The following AKT3 variants were observed in gnomAD, a reference collection of about 807,000 sequenced individuals.
The protein encoded by AKT3 is RAC-gamma serine/threonine-protein kinase.
AKT3 carries 15 observed loss-of-function variants against 65.3 expected under a neutral mutation model. The ratio of observed to expected loss-of-function variants is 0.23; its 90% confidence interval spans 0.15 to 0.35. The LOEUF is 0.35. AKT3 is among the 10% of genes least tolerant of loss of function. The pLI is 1.00. For missense variants in AKT3, 243 were observed against 576.5 expected (o/e 0.42, Z 5.92); for synonymous variants, 206 against 183.8 (o/e 1.12, Z -0.98).
chr1:243,753,464 A>T (rs1688935294), intron 2 of AKT3, among the ~76,000 whole-genome samples: 1 of 152,302 alleles, frequency 6.6e-6, no homozygotes, highest in African/African-American at 2.4e-5. Flanking sequence ...CTAAAAATTG[A>T]AAGAGAAACA....
intron 3 of AKT3, among the ~76,000 whole-genome samples, chr1:243,677,773 A>G (rs541930123): frequency 6.6e-6 from 1 of 152,222 alleles, no homozygotes; most frequent in Non-Finnish European, 1.5e-5. Flanking sequence ...ATTATAAACA[A>G]ATCAAGTAAT....
intron 5 of AKT3, among the ~76,000 whole-genome samples, chr1:243,640,595 A>T (rs1680303189): frequency 6.6e-6 from 1 of 152,124 alleles, no homozygotes; most frequent in East Asian, 1.9e-4. Flanking sequence ...ATGTGGAGAG[A>T]CCCTGGAAGA....
intron 8 of AKT3, among the ~76,000 whole-genome samples, chr1:243,607,471 T>C (rs1677513361): frequency 6.6e-6 from 1 of 152,218 alleles, no homozygotes; most frequent in Non-Finnish European, 1.5e-5. Context: ...CTACAGCTCC[T>C]TTGTTTTGGC....
At chr1:243,656,790 C>A (rs990553394) in intron 4 of AKT3, among the ~76,000 whole-genome samples, 1 of 152,094 alleles carries the variant, frequency 6.6e-6, no homozygotes, top group Non-Finnish European at 1.5e-5. Flanking sequence ...AGTGTCGTGG[C>A]CATGGTTGTG....
intron 2 of AKT3, among the ~76,000 whole-genome samples, chr1:243,734,562 A>T (rs1173060934): frequency 1.3e-5 from 2 of 152,162 alleles, no homozygotes; most frequent in African/African-American, 4.8e-5. Flanking sequence ...GTAAAAAAAA[A>T]AGTGGCACAC....
chr1:243,821,642 T>C (rs1693860956), intron 2 of AKT3, among the ~76,000 whole-genome samples: 1 of 152,080 alleles, frequency 6.6e-6, no homozygotes. Context: ...TCCTAGTTTC[T>C]GACAAAACAG....
chr1:243,747,934 G>A (rs12074977), intron 2 of AKT3, among the ~76,000 whole-genome samples: 3,955 of 152,240 alleles, frequency 0.026, 164 homozygotes, highest in African/African-American at 0.09. Flanking sequence ...CCTAGGCATA[G>A]CACATGCAAA....
At chr1:243,600,596 T>C (rs1213220836) in intron 8 of AKT3, among the ~76,000 whole-genome samples, 2 of 152,112 alleles carry the variant, frequency 1.3e-5, no homozygotes, top group African/African-American at 2.4e-5. Flanking sequence ...AACAGTTAGA[T>C]ATCACTTTGC....
chr1:243,639,265 A>C (rs1680198902), intron 5 of AKT3, among the ~76,000 whole-genome samples: 1 of 152,234 alleles, frequency 6.6e-6, no homozygotes, highest in African/African-American at 2.4e-5. Context: ...AGAAAACTCC[A>C]GGCCCAGATG....
chr1:243,496,265 G>A (rs1423374272), downstream of AKT3, among the ~76,000 whole-genome samples: 2 of 152,210 alleles, frequency 1.3e-5, no homozygotes, highest in Non-Finnish European at 2.9e-5. Context: ...GTACCCGAGC[G>A]GGTGCGGGCG....
intron 6 of AKT3, among the ~76,000 whole-genome samples, chr1:243,616,334 C>G (rs1034850458): frequency 2.4e-5 from 1 of 41,660 alleles, no homozygotes; most frequent in Non-Finnish European, 6.2e-5. Flanking sequence ...AAAAAAAAAG[C>G]TCACAACCCT....
chr1:243,767,997 G>C (rs1418415693), intron 2 of AKT3, among the ~76,000 whole-genome samples: 1 of 151,248 alleles, frequency 6.6e-6, no homozygotes, highest in African/African-American at 2.4e-5. Context: ...TATATAGAGA[G>C]GGGGAAAAAA....
At chr1:243,496,284 C>T (rs1219480209), downstream of AKT3, among the ~76,000 whole-genome samples, 1 of 152,172 alleles carries the variant, frequency 6.6e-6, no homozygotes, top group East Asian at 1.9e-4. Context: ...CGGAGCCGGG[C>T]CTGGCTGGAA....
At chr1:243,715,693 A>G (rs940573873) in intron 2 of AKT3, among the ~76,000 whole-genome samples, 3 of 152,170 alleles carry the variant, frequency 2.0e-5, no homozygotes, top group Non-Finnish European at 2.9e-5. Flanking sequence ...AGGGAAAGAA[A>G]AAAAGTATTT....
At chr1:243,506,288 C>T (rs367631563) in intron 13 of AKT3, among the ~76,000 whole-genome samples, 1 of 152,254 alleles carries the variant, frequency 6.6e-6, no homozygotes, top group African/African-American at 2.4e-5. Context: ...CTTGTTTAAT[C>T]ATATGCTGTC....
At chr1:243,676,775 A>T (rs1683552371) in intron 3 of AKT3, among the ~76,000 whole-genome samples, 1 of 151,810 alleles carries the variant, frequency 6.6e-6, no homozygotes, top group South Asian at 2.1e-4. Context: ...GTTCGTTATG[A>T]CTCTTGGAAT....
rs78243085 is a variant in AKT3, at chr1:243,837,519, C to T, written c.46+5606G>A. 7.1e-3 allele frequency among the ~76,000 whole-genome samples: 1,084 copies of T among 152,248 alleles called. 19 individuals are homozygous for T. The highest frequency in any genetic ancestry group is 0.025 in the African/African-American group (1,045 of 41,544). On this transcript the variant is annotated intron_variant, in intron 2 of 13. Transcript: ENST00000673466. ...TCAATACTCTTGTAAATGCAAAAAA[C>T]CCTTAGCAAAATATCAGTAAGTCCA...
At chr1:243,749,203 T>TATA (rs1296785854) in intron 2 of AKT3, among the ~76,000 whole-genome samples, 2 of 152,126 alleles carry the variant, frequency 1.3e-5, no homozygotes, top group African/African-American at 4.8e-5. Context: ...CCATCCTAGG[T>TATA]ATATGATATA....
At chr1:243,843,656 G>GTTT (rs113990784) in intron 1 of AKT3, 216 of 627,508 alleles carry the variant, frequency 3.4e-4, no homozygotes, top group African/African-American at 8.3e-4. Flanking sequence ...TAAATTTTTT[G>GTTT]TTTTTTTTTT....
Sources: gnomAD v4.1 joint callset for allele counts (sites outside exome capture counted in the v4.1 genomes callset) on GRCh38, gnomAD v4.1.1 for gene constraint, MANE v1.5 for transcripts, NCBI Gene and HGNC (gene_info 2026-07-23, HGNC 2026-07-21) for gene names.